Variants in ZBTB7C observed in about 807,000 individuals in gnomAD.
The protein encoded by ZBTB7C is zinc finger and BTB domain containing 7C.
A neutral mutation model predicts 25.7 loss-of-function variants in ZBTB7C; 8 were observed. The observed-to-expected ratio is 0.31, with a 90% CI of 0.18 to 0.56. The LOEUF is 0.56. Ranked by LOEUF, ZBTB7C falls within the 20% of genes least tolerant of loss-of-function variation. ZBTB7C has a pLI of 0.91. For synonymous variants in ZBTB7C, 394 were observed against 369.0 expected (o/e 1.07, Z -0.78); for missense variants, 824 against 855.2 (o/e 0.96, Z 0.46).
intron 3 of ZBTB7C, among the ~76,000 whole-genome samples, chr18:48,182,868 A>C (rs577948391): frequency 6.6e-6 from 1 of 152,348 alleles, no homozygotes; most frequent in South Asian, 2.1e-4. Flanking sequence ...AAGTTAGTGA[A>C]ATTTTAAATT....
chr18:48,227,342 T>C (rs571697432), intron 2 of ZBTB7C, among the ~76,000 whole-genome samples: 1 of 152,346 alleles, frequency 6.6e-6, no homozygotes, highest in South Asian at 2.1e-4. Flanking sequence ...CTCCTCCCAT[T>C]GAATTCTCGC....
intron 3 of ZBTB7C, among the ~76,000 whole-genome samples, chr18:48,180,152 C>CTT (rs1344289529): frequency 1.3e-4 from 15 of 117,322 alleles, no homozygotes; most frequent in South Asian, 6.4e-4. Context: ...TCCTTCTTTC[C>CTT]CTCCCTCCCT....
chr18:48,254,216 G>T (rs2043955345), intron 2 of ZBTB7C, among the ~76,000 whole-genome samples: 1 of 152,222 alleles, frequency 6.6e-6, no homozygotes. Context: ...AAGAAAGCTG[G>T]AAGCTTACAT....
intron 2 of ZBTB7C, among the ~76,000 whole-genome samples, chr18:48,199,011 G>A (rs547808499): frequency 6.6e-6 from 1 of 152,342 alleles, no homozygotes; most frequent in African/African-American, 2.4e-5. Context: ...AATAGAAAGC[G>A]AAGCTGGAAA....
intron 2 of ZBTB7C, among the ~76,000 whole-genome samples, chr18:48,298,251 G>A (rs921205857): frequency 2.7e-5 from 4 of 149,162 alleles, no homozygotes; most frequent in Admixed American, 1.3e-4. Context: ...CTGCACTCTA[G>A]CCTGGGCAAT....
intron 2 of ZBTB7C, among the ~76,000 whole-genome samples, chr18:48,329,199 T>C (rs1009360175): frequency 6.6e-6 from 1 of 152,220 alleles, no homozygotes; most frequent in Non-Finnish European, 1.5e-5. Context: ...ATTGATCAAT[T>C]AACAAGTATT....
chr18:48,122,720 G>C (rs1167814348), intron 3 of ZBTB7C, among the ~76,000 whole-genome samples: 1 of 152,194 alleles, frequency 6.6e-6, no homozygotes, highest in African/African-American at 2.4e-5. Flanking sequence ...GAATGAACTA[G>C]CTACTTTGGG....
intron 2 of ZBTB7C, among the ~76,000 whole-genome samples, chr18:48,308,246 C>T (rs1197465129): frequency 6.6e-6 from 1 of 152,188 alleles, no homozygotes; most frequent in African/African-American, 2.4e-5. Context: ...ACTCCCTGCC[C>T]CCAGATTCCC....
intron 2 of ZBTB7C, among the ~76,000 whole-genome samples, chr18:48,283,322 T>C (rs2044930949): frequency 6.6e-6 from 1 of 152,206 alleles, no homozygotes; most frequent in South Asian, 2.1e-4. Context: ...ATAAAATGTT[T>C]AATGAGAGGA....
At chr18:48,160,979 T>A (rs954767948) in intron 3 of ZBTB7C, among the ~76,000 whole-genome samples, 1 of 125,984 alleles carries the variant, frequency 7.9e-6, no homozygotes, top group Admixed American at 8.6e-5. Context: ...CAGTGGGGGG[T>A]CGTCTTTGAT....
At chr18:48,055,834 A>G (rs2036895641) in intron 3 of ZBTB7C, among the ~76,000 whole-genome samples, 1 of 152,136 alleles carries the variant, frequency 6.6e-6, no homozygotes, top group Non-Finnish European at 1.5e-5. Flanking sequence ...TTTCCAGACC[A>G]TCATAAATTT....
At chr18:48,146,583 C>T (rs2040504529) in intron 3 of ZBTB7C, among the ~76,000 whole-genome samples, 1 of 152,144 alleles carries the variant, frequency 6.6e-6, no homozygotes, top group Non-Finnish European at 1.5e-5. Context: ...ATGTGACAGA[C>T]AATTCGCAAT....
intron 3 of ZBTB7C, among the ~76,000 whole-genome samples, chr18:48,054,004 A>C (rs892285240): frequency 1.3e-5 from 2 of 152,262 alleles, no homozygotes; most frequent in South Asian, 4.1e-4. Flanking sequence ...AGGATGGCAC[A>C]TGCAGACAGG....
At chr18:48,347,077 T>TG (rs2046749428) in intron 1 of ZBTB7C, among the ~76,000 whole-genome samples, 1 of 147,068 alleles carries the variant, frequency 6.8e-6, no homozygotes, top group Admixed American at 6.8e-5. Context: ...GCCACCACGC[T>TG]GGGCCAGCAT....
rs574468969 is a variant in ZBTB7C at position 48,314,602 on chromosome 18, G to A, written c.-79+23572C>T. The stretch of plus-strand genomic sequence containing the variant: ...TGCTAGGACTAGTGCACAGGATGAT[G>A]GGAGGTGGCAGGTATGGGCAGTACT... On this transcript the variant is annotated intron_variant, in intron 2 of 4. Coordinates refer to ENST00000590800, the MANE Select transcript of ZBTB7C (RefSeq NM_001318841.2). Among the ~76,000 whole-genome samples, 14 of 152,296 alleles carry A rather than the reference G, an allele frequency of 9.2e-5. 1 individual carries two copies. Among genetic ancestry groups the A allele is most frequent in the African/African-American group, 3.4e-4 (14 of 41,578 alleles).
intron 1 of ZBTB7C, among the ~76,000 whole-genome samples, chr18:48,359,680 A>T (rs191612089): frequency 5.3e-5 from 8 of 152,352 alleles, no homozygotes; most frequent in Admixed American, 4.6e-4. Context: ...TTGTGACTGT[A>T]ACAGGCTGTC....
intron 3 of ZBTB7C, among the ~76,000 whole-genome samples, chr18:48,044,322 T>A (rs967076594): frequency 3.9e-5 from 6 of 152,166 alleles, no homozygotes; most frequent in Middle Eastern, 3.2e-3. Flanking sequence ...TGAGGCCACC[T>A]CCTACATCTC....
At chr18:48,312,161 C>T (rs2144799329) in intron 2 of ZBTB7C, among the ~76,000 whole-genome samples, 1 of 152,372 alleles carries the variant, frequency 6.6e-6, no homozygotes, top group Non-Finnish European at 1.5e-5. Flanking sequence ...GCTCACATGC[C>T]TGGGCTTCGG....
chr18:48,205,173 C>T (rs988751296), intron 2 of ZBTB7C, among the ~76,000 whole-genome samples: 19 of 152,020 alleles, frequency 1.2e-4, no homozygotes, highest in Admixed American at 6.6e-5. Context: ...TAGAGGACAT[C>T]TAACCCCTTA....
Sources: allele counts gnomAD v4.1 joint callset (sites outside exome capture counted in the v4.1 genomes callset), GRCh38; gene constraint gnomAD v4.1.1; transcripts MANE v1.5; gene names NCBI Gene and HGNC (gene_info 2026-07-23, HGNC 2026-07-21).